The following ANKRD6 variants were observed in gnomAD, a reference collection of about 807,000 sequenced individuals.
ANKRD6 encodes the protein ankyrin repeat domain 6.
ANKRD6 carries 56 observed loss-of-function variants against 82.3 expected under a neutral mutation model. That is an observed-to-expected ratio of 0.68 (90% CI 0.55 to 0.85). ANKRD6 has a LOEUF of 0.85. ANKRD6 is among the 40% of genes least tolerant of loss of function. ANKRD6 has a pLI of 0.00. For missense variants in ANKRD6, 852 were observed against 907.6 expected (o/e 0.94, Z 0.79); for synonymous variants, 347 against 352.1 (o/e 0.99, Z 0.16).
At chr6:89,529,924 C>G (rs1309461373) in intron 1 of ANKRD6, among the ~76,000 whole-genome samples, 2 of 152,090 alleles carry the variant, frequency 1.3e-5, no homozygotes, top group African/African-American at 4.8e-5. Context: ...CATAAAAGAT[C>G]ACTGATCACA....
chr6:89,533,684 C>T (rs1449179358), intron 1 of ANKRD6, among the ~76,000 whole-genome samples: 1 of 151,344 alleles, frequency 6.6e-6, no homozygotes, highest in Non-Finnish European at 1.5e-5. Context: ...TGCTCCTTTG[C>T]CTCCAGCCAT....
intron 2 of ANKRD6, among the ~76,000 whole-genome samples, chr6:89,575,569 C>T (rs1790929447): frequency 6.6e-6 from 1 of 152,110 alleles, no homozygotes; most frequent in South Asian, 2.1e-4. Context: ...GTTTTATTGA[C>T]TGGGAGCTCA....
chr6:89,581,309 A>G (rs75153980), intron 2 of ANKRD6, among the ~76,000 whole-genome samples: 3,993 of 152,230 alleles, frequency 0.026, 204 homozygotes, highest in African/African-American at 0.091. Flanking sequence ...TTGTGGGATA[A>G]ATTTCTCTAA....
At chr6:89,577,025 G>A (rs1278248628) in intron 2 of ANKRD6, among the ~76,000 whole-genome samples, 1 of 151,912 alleles carries the variant, frequency 6.6e-6, no homozygotes, top group Non-Finnish European at 1.5e-5. Flanking sequence ...AGGTAACAGG[G>A]ACTACAGTCA....
chr6:89,518,620 C>T (rs748645638), intron 1 of ANKRD6, among the ~76,000 whole-genome samples: 6 of 151,320 alleles, frequency 4.0e-5, no homozygotes, highest in Non-Finnish European at 8.8e-5. Flanking sequence ...CAGATCAGCT[C>T]ACACAGAGTC....
At chr6:89,479,456 T>G (rs570211978) in intron 1 of ANKRD6, among the ~76,000 whole-genome samples, 1 of 152,304 alleles carries the variant, frequency 6.6e-6, no homozygotes, top group South Asian at 2.1e-4. Context: ...CTTTCCTGGC[T>G]CATTGAATCA....
At chr6:89,616,418 C>A in intron 7 of ANKRD6, 141 bp from the exon 8 acceptor site, 1 of 682,356 alleles carries the variant, frequency 1.5e-6, no homozygotes, top group Non-Finnish European at 2.5e-6. Flanking sequence ...AGCCTCATAA[C>A]GCTTTAACAA....
At chr6:89,605,362 A>G (rs1449650175) in intron 4 of ANKRD6, among the ~76,000 whole-genome samples, 1 of 152,252 alleles carries the variant, frequency 6.6e-6, no homozygotes, top group Non-Finnish European at 1.5e-5. Context: ...ACTCTAGGTG[A>G]CAGAACAAGA....
intron 1 of ANKRD6, among the ~76,000 whole-genome samples, chr6:89,479,733 T>C (rs2127804949): frequency 6.6e-6 from 1 of 152,006 alleles, no homozygotes; most frequent in Non-Finnish European, 1.5e-5. Context: ...TAACTCATCA[T>C]TTAACATTAG....
At position 89,565,324 on chromosome 6, in the gene ANKRD6, G is replaced by A. The variant is rs1202533677; in HGVS notation, c.-143-1510G>A. On this transcript the variant is annotated intron_variant, in intron 1 of 15. Transcript: ENST00000339746. ...CAGTGAGCAGGAGCAGGATGGGTTT[G>A]CGAGAGTTCCTCTCTCTTTTTCTGC... 4.6e-5 allele frequency: 7 copies of A among 152,334 alleles called. No homozygotes were observed. The East Asian group carries it at 1.3e-3, about 29-fold the overall frequency. 9.4% of individuals were successfully genotyped at this position (152,334 alleles called of 1,614,324 possible).
intron 1 of ANKRD6, among the ~76,000 whole-genome samples, chr6:89,444,806 A>G (rs1771853670): frequency 6.6e-6 from 1 of 152,130 alleles, no homozygotes; most frequent in Non-Finnish European, 1.5e-5. Flanking sequence ...CATCTCTACT[A>G]AAAATAAAAA....
At position 89,564,651 on chromosome 6, in the gene ANKRD6, C is replaced by T. The variant is rs374277163; in HGVS notation, c.-143-2183C>T. On this transcript the variant is annotated intron_variant, in intron 1 of 15. Transcript: ENST00000339746. ...GCTGGTGTGGAGCTTGTGACCTCAA[C>T]TGATGGGCTGTACTGAGGTTGCAGC... Among the ~76,000 whole-genome samples, 18 of 152,178 alleles carry T rather than the reference C, an allele frequency of 1.2e-4. No individual in the cohort carries two copies. The East Asian group carries it at 3.3e-3, about 28-fold the overall frequency.
rs1314636150 is a variant in ANKRD6 at position 89,579,732 on chromosome 6, G to A, written c.120+12636G>A. 3.3e-5 allele frequency among the ~76,000 whole-genome samples: 4 copies of A among 121,584 alleles called. No individual in the cohort carries two copies. In the Admixed American group the frequency reaches 4.6e-4, roughly 14 times the overall value. 79.8% of individuals were successfully genotyped at this position (121,584 alleles called of 152,430 possible). On this transcript the variant is annotated intron_variant, in intron 2 of 15. Coordinates refer to ENST00000339746, the MANE Select transcript of ANKRD6 (RefSeq NM_001242809.2). The stretch of plus-strand genomic sequence containing the variant: ...AGATAGTGCCACTGCACTCCAGCCT[G>A]GGCCACAGAGCAAGACCCTGTCTCA...
chr6:89,628,091 G>A (rs1806301935), intron 14 of ANKRD6, among the ~76,000 whole-genome samples: 1 of 152,152 alleles, frequency 6.6e-6, no homozygotes, highest in African/African-American at 2.4e-5. Context: ...GGCTTTCTAA[G>A]CAACCAGAAG....
chr6:89,558,510 A>G (rs1490880146), intron 1 of ANKRD6, among the ~76,000 whole-genome samples: 1 of 151,540 alleles, frequency 6.6e-6, no homozygotes, highest in Non-Finnish European at 1.5e-5. Flanking sequence ...ACACAGAATT[A>G]TAGAAAAAGC....
chr6:89,444,294 C>G (rs1191232264), intron 1 of ANKRD6, among the ~76,000 whole-genome samples: 5 of 152,138 alleles, frequency 3.3e-5, no homozygotes, highest in African/African-American at 1.2e-4. Context: ...GAGAGAGTGG[C>G]AGATCAGTAA....
chr6:89,519,765 C>CAGTTTTTGAATTAAA (rs1583053585), intron 1 of ANKRD6, among the ~76,000 whole-genome samples: 2 of 152,318 alleles, frequency 1.3e-5, no homozygotes, highest in East Asian at 3.9e-4. Context: ...CTGTGGTCTA[C>CAGTTTTTGAATTAAA]ACTGTTTCTT....
chr6:89,518,220 T>C (rs1281549049), intron 1 of ANKRD6, among the ~76,000 whole-genome samples: 1 of 151,518 alleles, frequency 6.6e-6, no homozygotes, highest in East Asian at 1.9e-4. Flanking sequence ...CTGACCAACA[T>C]GGAGAAACCC....
chr6:89,494,396 G>A (rs1778365734), intron 1 of ANKRD6, among the ~76,000 whole-genome samples: 3 of 152,176 alleles, frequency 2.0e-5, no homozygotes, highest in South Asian at 4.1e-4. Context: ...CAGGATTCTT[G>A]CTAACACTGG....
Sources: gnomAD v4.1 joint callset for allele counts (sites outside exome capture counted in the v4.1 genomes callset) on GRCh38, gnomAD v4.1.1 for gene constraint, MANE v1.5 for transcripts, NCBI Gene and HGNC (gene_info 2026-07-23, HGNC 2026-07-21) for gene names.